Variants in FRMD4B observed in about 807,000 individuals in gnomAD.
The protein encoded by FRMD4B is FERM domain containing 4B.
In FRMD4B, 74 loss-of-function variants were observed where a neutral mutation model predicts 141.5. That is an observed-to-expected ratio of 0.52 (90% CI 0.43 to 0.63). The LOEUF is 0.63. Among genes scored for constraint, FRMD4B ranks in the 30% least tolerant of loss-of-function variants. FRMD4B has a pLI of 0.00. For missense variants in FRMD4B, 1,366 were observed against 1,253.4 expected (o/e 1.09, Z -1.36); for synonymous variants, 506 against 467.9 (o/e 1.08, Z -1.05).
chr3:69,347,012 C>T lies in FRMD4B; in HGVS notation c.163-33495G>A, dbSNP rs975378094. On this transcript the variant is annotated intron_variant, in intron 1 of 22. Coordinates refer to ENST00000398540, the MANE Select transcript of FRMD4B (RefSeq NM_015123.3). ...ACCTTAAATGTAAATGGGCTAATTG[C>T]TCCAATTAAAAGATGTAGACTGGCA... 4.6e-5 allele frequency among the ~76,000 whole-genome samples: 7 copies of T among 152,314 alleles called. No individual in the cohort carries two copies. The East Asian group carries it at 1.2e-3, about 25-fold the overall frequency.
chr3:69,517,009 C>T (rs974837780), intron 1 of FRMD4B, among the ~76,000 whole-genome samples: 2 of 152,292 alleles, frequency 1.3e-5, no homozygotes, highest in African/African-American at 4.8e-5. Context: ...TGTTACTGCA[C>T]ATTAACCCAT....
chr3:69,521,808 C>A (rs1700859340), intron 1 of FRMD4B, among the ~76,000 whole-genome samples: 4 of 152,286 alleles, frequency 2.6e-5, no homozygotes, highest in Admixed American at 2.6e-4. Flanking sequence ...GGGTCTTTCT[C>A]AGCTTTCTGT....
intron 17 of FRMD4B, among the ~76,000 whole-genome samples, chr3:69,190,635 G>A (rs565784949): frequency 3.0e-4 from 46 of 152,248 alleles, no homozygotes; most frequent in African/African-American, 1.1e-3. Context: ...GGCTGGTCTT[G>A]AACTCCTGGG....
chr3:69,443,502 C>T (rs1051401980), intron 1 of FRMD4B, among the ~76,000 whole-genome samples: 7 of 152,148 alleles, frequency 4.6e-5, no homozygotes, highest in African/African-American at 1.7e-4. Context: ...GTCATAGGAA[C>T]CCCTAATTTG....
At chr3:69,415,052 G>T (rs534652487) in intron 2 of FRMD4B, among the ~76,000 whole-genome samples, 131 of 151,786 alleles carry the variant, frequency 8.6e-4, no homozygotes, top group African/African-American at 3.0e-3. Context: ...TTTTAGTGGA[G>T]ATGGGGTTTC....
chr3:69,325,440 C>G (rs993278696), intron 1 of FRMD4B, among the ~76,000 whole-genome samples: 1 of 152,078 alleles, frequency 6.6e-6, no homozygotes, highest in Non-Finnish European at 1.5e-5. Context: ...AAAAGAAAAG[C>G]CAGGTTTTAA....
At position 69,183,734 on chromosome 3, in the gene FRMD4B, G is replaced by A. The variant is rs548968144; in HGVS notation, c.1920-1017C>T. Among the ~76,000 whole-genome samples the A allele has an allele frequency of 1.7e-3, 261 of 151,654 alleles. 2 individuals are homozygous for A. Among genetic ancestry groups the A allele is most frequent in the African/African-American group, 6.0e-3 (246 of 41,320 alleles). On this transcript the variant is annotated intron_variant, in intron 19 of 22. Coordinates refer to ENST00000398540, the MANE Select transcript of FRMD4B (RefSeq NM_015123.3). ...CCTGACCTTGTGATCCGCCCACCTC[G>A]GCCTCCCAAAGTGCTGGGATTACAG...
In FRMD4B at chr3:69,502,083, T is replaced by A. The variant is rs565594064; in HGVS notation, c.-129+40123A>T. The stretch of plus-strand genomic sequence containing the variant: ...CATGCTCATGGGTAGGAAGAATCAA[T>A]ATCGTGAAAATGGCCATACTGCCCA... On this transcript the variant is annotated intron_variant, in intron 1 of 5. Transcript: ENST00000459638. 1.3e-4 allele frequency among the ~76,000 whole-genome samples: 20 copies of A among 152,198 alleles called. No homozygotes were observed. The East Asian group carries it at 3.7e-3, about 28-fold the overall frequency.
intron 1 of FRMD4B, among the ~76,000 whole-genome samples, chr3:69,324,688 G>T (rs929934503): frequency 3.3e-5 from 5 of 152,190 alleles, no homozygotes; most frequent in Admixed American, 6.5e-5. Context: ...AAACAAATAT[G>T]ATATTTTCAG....
intron 7 of FRMD4B, among the ~76,000 whole-genome samples, chr3:69,231,489 T>C (rs916824679): frequency 1.3e-5 from 2 of 152,216 alleles, no homozygotes; most frequent in Admixed American, 1.3e-4. Flanking sequence ...GGTTTCGCCA[T>C]GTTGGCCAGG....
chr3:69,474,233 A>T (rs565009236), intron 1 of FRMD4B, among the ~76,000 whole-genome samples: 2 of 152,322 alleles, frequency 1.3e-5, no homozygotes, highest in East Asian at 3.9e-4. Context: ...AAAGAAAGGA[A>T]GAAAGAAATG....
intron 1 of FRMD4B, among the ~76,000 whole-genome samples, chr3:69,519,661 G>A (rs1700820072): frequency 6.6e-6 from 1 of 151,898 alleles, no homozygotes; most frequent in East Asian, 1.9e-4. Context: ...ATTTCCATAG[G>A]TTTTGGGGAG....
intron 1 of FRMD4B, among the ~76,000 whole-genome samples, chr3:69,463,922 C>G (rs928609415): frequency 1.3e-5 from 2 of 152,152 alleles, no homozygotes; most frequent in African/African-American, 4.8e-5. Context: ...TACTGGGTAT[C>G]ACAGAAGATG....
intron 2 of FRMD4B, among the ~76,000 whole-genome samples, chr3:69,399,044 A>T (rs1197094189): frequency 6.6e-6 from 1 of 152,090 alleles, no homozygotes; most frequent in Admixed American, 6.5e-5. Flanking sequence ...GGATTTAAAG[A>T]AAGAAAAAAA....
At chr3:69,417,619 C>A (rs1704891794) in intron 2 of FRMD4B, among the ~76,000 whole-genome samples, 4 of 152,124 alleles carry the variant, frequency 2.6e-5, no homozygotes, top group Admixed American at 2.0e-4. Flanking sequence ...AAGTCTTTGC[C>A]CATGATTGTG....
At chr3:69,360,212 T>C (rs562206502) in intron 1 of FRMD4B, among the ~76,000 whole-genome samples, 7 of 152,204 alleles carry the variant, frequency 4.6e-5, no homozygotes, top group Non-Finnish European at 8.8e-5. Context: ...CCTCCCATTT[T>C]TCCACCTAGT....
At position 69,363,024 on chromosome 3, in the gene FRMD4B, T is replaced by C. The variant is rs529400894; in HGVS notation, c.162+22804A>G. Among the ~76,000 whole-genome samples the C allele has an allele frequency of 2.0e-5, 3 of 151,174 alleles. No homozygotes were observed. In the South Asian group the frequency reaches 6.3e-4, roughly 32 times the overall value. On this transcript the variant is annotated intron_variant, in intron 1 of 22. Transcript: ENST00000398540. The stretch of plus-strand genomic sequence containing the variant: ...AAAAAAAACAAACAAAAAGTGAAAA[T>C]AACTTTAATAATATGGATCTATATT...
chr3:69,364,194 A>G (rs895192123), intron 1 of FRMD4B, among the ~76,000 whole-genome samples: 18 of 152,250 alleles, frequency 1.2e-4, no homozygotes, highest in African/African-American at 3.9e-4. Flanking sequence ...TCACGCGACT[A>G]TCTTGCCTGT....
intron 17 of FRMD4B, among the ~76,000 whole-genome samples, chr3:69,192,529 G>A (rs1246663173): frequency 6.6e-6 from 1 of 152,066 alleles, no homozygotes; most frequent in Non-Finnish European, 1.5e-5. Context: ...AACATGTAAG[G>A]TCAATTGGAC....
Sources: allele counts gnomAD v4.1 joint callset (sites outside exome capture counted in the v4.1 genomes callset), GRCh38; gene constraint gnomAD v4.1.1; transcripts MANE v1.5; gene names NCBI Gene and HGNC (gene_info 2026-07-23, HGNC 2026-07-21).